Variants in RBFOX1 observed in about 807,000 individuals in gnomAD.
RBFOX1 encodes the protein RNA binding fox-1 homolog 1, also known as RNA binding protein fox-1 homolog 1.
RBFOX1 carries 8 observed loss-of-function variants against 57.7 expected under a neutral mutation model. The ratio of observed to expected loss-of-function variants is 0.14; its 90% CI spans 0.08 to 0.25. The LOEUF (loss-of-function observed/expected upper bound fraction) is 0.25, where lower values mean the gene tolerates loss of function less well. Among genes scored for constraint, RBFOX1 ranks in the 10% least tolerant of loss-of-function variants. RBFOX1 has a pLI of 1.00. For synonymous variants in RBFOX1, 326 were observed against 222.4 expected (o/e 1.47, Z -4.15); for missense variants, 611 against 548.5 (o/e 1.11, Z -1.14).
intron 3 of RBFOX1, among the ~76,000 whole-genome samples, chr16:5,632,200 A>T (rs1370958843): frequency 1.3e-5 from 2 of 152,198 alleles, no homozygotes; most frequent in Non-Finnish European, 2.9e-5. Flanking sequence ...TACTAAAAAT[A>T]ATTATTATTC....
At chr16:5,679,378 C>T (rs7200675) in intron 3 of RBFOX1, among the ~76,000 whole-genome samples, 1,704 of 151,660 alleles carry the variant, frequency 0.011, 32 homozygotes, top group African/African-American at 0.039. Context: ...GATACAAGTA[C>T]AGAATGTACA....
intron 4 of RBFOX1, among the ~76,000 whole-genome samples, chr16:7,485,907 C>T (rs2065240205): frequency 3.9e-5 from 6 of 152,322 alleles, no homozygotes; most frequent in African/African-American, 9.6e-5. Flanking sequence ...CACATAGCCA[C>T]ACCCATTTAT....
chr16:6,041,563 C>T (rs746090362), intron 1 of RBFOX1, among the ~76,000 whole-genome samples: 178 of 152,022 alleles, frequency 1.2e-3, no homozygotes, highest in Non-Finnish European at 1.5e-3. Context: ...ACTCCTCATC[C>T]GTATGTGACT....
intron 3 of RBFOX1, among the ~76,000 whole-genome samples, chr16:5,704,760 G>C (rs1183118558): frequency 2.6e-5 from 4 of 152,138 alleles, no homozygotes; most frequent in African/African-American, 9.7e-5. Flanking sequence ...AGCTTGGCCG[G>C]GTTACTATGT....
At chr16:6,880,126 C>T (rs746193697) in intron 3 of RBFOX1, among the ~76,000 whole-genome samples, 1 of 152,182 alleles carries the variant, frequency 6.6e-6, no homozygotes, top group Non-Finnish European at 1.5e-5. Context: ...TACTTCTTGT[C>T]AGTGGCTGGT....
chr16:5,689,988 A>T, intron 3 of RBFOX1, among the ~76,000 whole-genome samples: 1 of 152,186 alleles, frequency 6.6e-6, no homozygotes, highest in Non-Finnish European at 1.5e-5. Flanking sequence ...TGCTGCTTGC[A>T]CATGGAACAG....
intron 3 of RBFOX1, among the ~76,000 whole-genome samples, chr16:5,700,171 T>A (rs1440676168): frequency 2.6e-5 from 4 of 152,258 alleles, no homozygotes; most frequent in Non-Finnish European, 5.9e-5. Flanking sequence ...AGTTTAATAT[T>A]TTTTGAAATA....
chr16:6,559,694 G>GTA (rs1227919807), intron 2 of RBFOX1, among the ~76,000 whole-genome samples: 6 of 151,954 alleles, frequency 3.9e-5, no homozygotes, highest in Admixed American at 1.3e-4. Context: ...ATATATCTGT[G>GTA]TATATATATC....
intron 3 of RBFOX1, among the ~76,000 whole-genome samples, chr16:5,638,662 G>A (rs1021445177): frequency 1.1e-4 from 16 of 152,294 alleles, no homozygotes; most frequent in Admixed American, 7.8e-4. Context: ...TCTAGATGGG[G>A]AGGATTGGAA....
At chr16:6,835,305 C>T (rs765092611) in intron 3 of RBFOX1, among the ~76,000 whole-genome samples, 3 of 152,128 alleles carry the variant, frequency 2.0e-5, no homozygotes, top group Non-Finnish European at 4.4e-5. Flanking sequence ...TTGTGAGTTT[C>T]AGTGTCCTAA....
chr16:7,023,434 T>C (rs2039896877), intron 3 of RBFOX1, among the ~76,000 whole-genome samples: 1 of 150,192 alleles, frequency 6.7e-6, no homozygotes, highest in African/African-American at 2.5e-5. Context: ...AATTCTAGCC[T>C]GGATGACAGA....
At chr16:6,494,994 A>G (rs1471958694) in intron 2 of RBFOX1, among the ~76,000 whole-genome samples, 2 of 152,304 alleles carry the variant, frequency 1.3e-5, no homozygotes, top group African/African-American at 4.8e-5. Context: ...AGGAAACACC[A>G]AGCACAAAAT....
chr16:6,935,102 GA>G (rs1316889049), intron 3 of RBFOX1, among the ~76,000 whole-genome samples: 1 of 151,708 alleles, frequency 6.6e-6, no homozygotes, highest in Non-Finnish European at 1.5e-5. Flanking sequence ...AAAAAAAAAA[GA>G]AAAAGAAAAA....
At chr16:5,490,485 C>T (rs1273932961) in intron 2 of RBFOX1, among the ~76,000 whole-genome samples, 1 of 152,196 alleles carries the variant, frequency 6.6e-6, no homozygotes, top group Non-Finnish European at 1.5e-5. Context: ...TCCTGGGAAC[C>T]TGGCGTTGCT....
chr16:7,626,436 A>G (rs2060082155), intron 10 of RBFOX1, among the ~76,000 whole-genome samples: 1 of 152,176 alleles, frequency 6.6e-6, no homozygotes, highest in Non-Finnish European at 1.5e-5. Flanking sequence ...GCTGTGGGAC[A>G]TCTTGCCAGG....
chr16:5,768,735 C>G (rs902788523), intron 3 of RBFOX1, among the ~76,000 whole-genome samples: 1 of 152,124 alleles, frequency 6.6e-6, no homozygotes, highest in East Asian at 1.9e-4. Flanking sequence ...AACAGGAGGT[C>G]AGGCCAGCCT....
chr16:7,226,356 A>G (rs2093120339), intron 4 of RBFOX1, among the ~76,000 whole-genome samples: 1 of 152,206 alleles, frequency 6.6e-6, no homozygotes, highest in Non-Finnish European at 1.5e-5. Context: ...TGTAATGCCC[A>G]CCTGAAGAGG....
chr16:6,781,362 A>C (rs1567221329), intron 3 of RBFOX1, among the ~76,000 whole-genome samples: 1 of 152,088 alleles, frequency 6.6e-6, no homozygotes. Flanking sequence ...ATTCATGTTC[A>C]TCAGATATAT....
At chr16:6,331,539 C>T (rs755772162) in intron 2 of RBFOX1, among the ~76,000 whole-genome samples, 33 of 150,490 alleles carry the variant, frequency 2.2e-4, no homozygotes, top group Non-Finnish European at 4.1e-4. Flanking sequence ...TTCTCTCTCT[C>T]TCTCTCTATA....
Sources: allele counts gnomAD v4.1 joint callset (sites outside exome capture counted in the v4.1 genomes callset), GRCh38; gene constraint gnomAD v4.1.1; transcripts MANE v1.5; gene names NCBI Gene and HGNC (gene_info 2026-07-23, HGNC 2026-07-21).